The following CNGB3 variants were observed in gnomAD, a reference collection of about 807,000 sequenced individuals.
CNGB3 encodes cyclic nucleotide-gated channel beta-3.
CNGB3 carries 86 observed loss-of-function variants against 92.8 expected under a neutral mutation model. That is an observed-to-expected ratio of 0.93 (90% CI 0.78 to 1.11). CNGB3 has a LOEUF of 1.11. CNGB3 is among the 50% of genes least tolerant of loss of function. The probability of loss-of-function intolerance (pLI) is 0.00; values close to 1 mark genes in which losing one functional copy is unlikely to be tolerated. For missense variants in CNGB3, 1,026 were observed against 956.8 expected (o/e 1.07, Z -0.95); for synonymous variants, 333 against 332.7 (o/e 1.00, Z -0.01).
chr8:86,720,646 G>C (rs1336989435), intron 3 of CNGB3, among the ~76,000 whole-genome samples: 1 of 151,944 alleles, frequency 6.6e-6, no homozygotes, highest in Non-Finnish European at 1.5e-5. Flanking sequence ...CCCACTACTA[G>C]GTATCTACCC....
At chr8:86,741,906 T>G (rs1825349530) in intron 1 of CNGB3, among the ~76,000 whole-genome samples, 1 of 152,112 alleles carries the variant, frequency 6.6e-6, no homozygotes, top group Non-Finnish European at 1.5e-5. Context: ...CTTAAAGGGT[T>G]GACTCAACTA....
Position 86,579,033 on chromosome 8 carries a change from G to A in CNGB3, c.1928+73C>T, listed in dbSNP as rs890072787. ...ATCAAGTTTATCACAATCATAATAC[G>A]GTTCTCCCTATCTCAGAGTTTACAA... On this transcript the variant is annotated intron_variant, in intron 16 of 17. Transcript: ENST00000320005. The A allele has an allele frequency of 7.0e-6, 11 of 1,582,704 alleles. No individual in the cohort carries two copies. The African/African-American group carries it at 8.1e-5, about 12-fold the overall frequency.
At chr8:86,660,312 G>T (rs1823611381) in intron 6 of CNGB3, 2 of 343,768 alleles carry the variant, frequency 5.8e-6, no homozygotes, top group Admixed American at 3.9e-5. Flanking sequence ...GGGAGGTGGG[G>T]TTGGGGCCAT....
At chr8:86,676,073 A>G (rs1823961099) in intron 3 of CNGB3, among the ~76,000 whole-genome samples, 1 of 152,198 alleles carries the variant, frequency 6.6e-6, no homozygotes. Flanking sequence ...CAATATTATT[A>G]GTTTTAAGAA....
Position 86,678,022 on chromosome 8 carries a change from T to G in CNGB3, c.339-6924A>C, listed in dbSNP as rs1824008817. ...TTCTCAAAAATCCCAGTTGGTTCAA[T>G]TTTTTTAAAACCCACTATTTCTATC... On this transcript the variant is annotated intron_variant, in intron 3 of 17. Coordinates refer to ENST00000320005, the MANE Select transcript of CNGB3 (RefSeq NM_019098.5). Among the ~76,000 whole-genome samples the G allele has an allele frequency of 3.3e-5, 5 of 152,170 alleles. No individual in the cohort carries two copies. In the South Asian group the frequency reaches 1.0e-3, roughly 31 times the overall value.
intron 11 of CNGB3, among the ~76,000 whole-genome samples, chr8:86,632,416 A>G (rs898632768): frequency 6.6e-6 from 1 of 152,142 alleles, no homozygotes; most frequent in Non-Finnish European, 1.5e-5. Context: ...ATTATAACCC[A>G]GTGATTTTAT....
intron 3 of CNGB3, among the ~76,000 whole-genome samples, chr8:86,691,615 C>G (rs1824318419): frequency 6.6e-6 from 1 of 152,048 alleles, no homozygotes; most frequent in Non-Finnish European, 1.5e-5. Context: ...TGGATCTTAT[C>G]TCTTCTTTTC....
intron 3 of CNGB3, among the ~76,000 whole-genome samples, chr8:86,710,852 G>A (rs190146097): frequency 5.9e-5 from 9 of 152,138 alleles, no homozygotes; most frequent in Admixed American, 2.0e-4. Context: ...TCTTTCTTCC[G>A]TAACTGCTTT....
chr8:86,637,443 G>GTC (rs1823093562), intron 10 of CNGB3, among the ~76,000 whole-genome samples: 1 of 151,880 alleles, frequency 6.6e-6, no homozygotes, highest in African/African-American at 2.4e-5. Context: ...GCTATTCGGG[G>GTC]TCTTTTGTGG....
chr8:86,721,488 AATC>A (rs1326994137), intron 3 of CNGB3, among the ~76,000 whole-genome samples: 1 of 152,106 alleles, frequency 6.6e-6, no homozygotes, highest in African/African-American at 2.4e-5. Context: ...TGATCTCAGA[AATC>A]ATCAGTAAAG....
At chr8:86,680,168 G>A (rs1039233653) in intron 3 of CNGB3, among the ~76,000 whole-genome samples, 4 of 152,170 alleles carry the variant, frequency 2.6e-5, no homozygotes, top group African/African-American at 9.7e-5. Context: ...ATTAGATCAA[G>A]ATATTAGGCC....
At chr8:86,686,565 A>C (rs1029240089) in intron 3 of CNGB3, among the ~76,000 whole-genome samples, 22 of 152,102 alleles carry the variant, frequency 1.4e-4, no homozygotes, top group African/African-American at 5.1e-4. Context: ...AAGAAGAGAT[A>C]ATTGAAAGCA....
intron 6 of CNGB3, chr8:86,660,814 G>T: frequency 2.1e-6 from 1 of 475,336 alleles, no homozygotes. Flanking sequence ...CAAAGTCTAT[G>T]AATACCAATA....
chr8:86,628,799 A>G, intron 12 of CNGB3, 120 bp downstream of exon 12: 1 of 1,070,902 alleles, frequency 9.3e-7, no homozygotes, highest in Non-Finnish European at 1.4e-6. Flanking sequence ...CGAATGCTTT[A>G]AGGATCATTT....
At chr8:86,627,156 C>CGTAA (rs1379974209) in intron 12 of CNGB3, among the ~76,000 whole-genome samples, 1 of 151,986 alleles carries the variant, frequency 6.6e-6, no homozygotes, top group Non-Finnish European at 1.5e-5. Flanking sequence ...TGCTGTATTA[C>CGTAA]ATCCCTATTT....
intron 3 of CNGB3, among the ~76,000 whole-genome samples, chr8:86,708,540 C>CTTTCT (rs145494200): frequency 1.1e-4 from 16 of 145,224 alleles, no homozygotes; most frequent in East Asian, 2.0e-4. Context: ...TCTTTACTTT[C>CTTTCT]TTTCTTTTCT....
intron 6 of CNGB3, among the ~76,000 whole-genome samples, chr8:86,656,727 C>A (rs1364902220): frequency 2.0e-5 from 3 of 152,070 alleles, no homozygotes; most frequent in Non-Finnish European, 1.5e-5. Flanking sequence ...GCTCCCACCC[C>A]CCCAACCAAA....
At chr8:86,614,055 T>A (rs1323939730) in intron 13 of CNGB3, among the ~76,000 whole-genome samples, 1 of 151,530 alleles carries the variant, frequency 6.6e-6, no homozygotes, top group Non-Finnish European at 1.5e-5. Context: ...TGTGTGTGTA[T>A]AGTAAATTCT....
chr8:86,642,113 TG>T (rs1823200211), intron 10 of CNGB3, among the ~76,000 whole-genome samples: 1 of 151,694 alleles, frequency 6.6e-6, no homozygotes, highest in South Asian at 2.1e-4. Flanking sequence ...AGCTTAACAC[TG>T]GGAACAAGAT....
Sources: allele counts gnomAD v4.1 joint callset (sites outside exome capture counted in the v4.1 genomes callset), GRCh38; gene constraint gnomAD v4.1.1; transcripts MANE v1.5; gene names NCBI Gene and HGNC (gene_info 2026-07-23, HGNC 2026-07-21).